The following UBR1 variants were observed in gnomAD, a reference collection of about 807,000 sequenced individuals.
UBR1 encodes E3 ubiquitin-protein ligase UBR1.
Under a neutral mutation model 242.1 loss-of-function variants are expected in UBR1, and 102 were observed. The observed-to-expected ratio is 0.42, with a 90% CI of 0.36 to 0.50. UBR1 has a LOEUF of 0.50. UBR1 is among the 20% of genes least tolerant of loss of function. The pLI is 0.01. For missense variants in UBR1, 1,772 were observed against 2,101.8 expected (o/e 0.84, Z 3.07); for synonymous variants, 675 against 684.8 (o/e 0.99, Z 0.22).
intron 23 of UBR1, 129 bp downstream of exon 23, chr15:43,026,432 C>T (rs961263863): frequency 5.7e-6 from 4 of 700,934 alleles, no homozygotes; most frequent in Non-Finnish European, 9.8e-6. Context: ...AATTTTAATT[C>T]TTGGGTGACA....
At chr15:42,991,100 C>G (rs779992704) in intron 33 of UBR1, among the ~76,000 whole-genome samples, 11 of 151,616 alleles carry the variant, frequency 7.3e-5, no homozygotes, top group African/African-American at 2.7e-4. Flanking sequence ...CATGGTGAAA[C>G]CTCATCTCTA....
At chr15:42,967,480 C>G (rs2032127290) in intron 40 of UBR1, among the ~76,000 whole-genome samples, 1 of 145,572 alleles carries the variant, frequency 6.9e-6, no homozygotes, top group Non-Finnish European at 1.5e-5. Context: ...TTATCAATAA[C>G]TAACCAAAGC....
chr15:43,089,787 G>A (rs938884422), intron 1 of UBR1, among the ~76,000 whole-genome samples: 3 of 152,080 alleles, frequency 2.0e-5, no homozygotes, highest in African/African-American at 4.8e-5. Context: ...TTCCAATCAT[G>A]AGAAAATATC....
rs1350797845 is a variant in UBR1, at chr15:43,086,230, T to C, written c.92A>G (p.Gln31Arg). Residue 31 changes from glutamine (Q) to arginine (R), a missense_variant, in exon 2 of 47, where the codon CAG (glutamine) becomes CGG (arginine). Gln to Arg is a conservative substitution (Grantham distance 43, BLOSUM62 1). Around this residue, in one of 3 missense-constraint regions of UBR1, gnomAD observed 734 missense variants for 893.3 expected, o/e 0.82. Transcript: ENST00000290650. ...GAAAGCAGTATAAAAATCAACTTGC[T>C]GATCCCACCACTAAAAGAAAAGAAG... ...TPQRLASWWD[Q>R]QVDFYTAFLH... The C allele has an allele frequency of 3.1e-6, 5 of 1,613,930 alleles. No homozygotes were observed. Among genetic ancestry groups the C allele is most frequent in the Non-Finnish European group, 4.2e-6 (5 of 1,180,002 alleles).
intron 14 of UBR1, 27 bp downstream of exon 14, chr15:43,047,134 C>T (rs1033436118): frequency 1.9e-5 from 30 of 1,613,614 alleles, no homozygotes; most frequent in Non-Finnish European, 2.4e-5. Flanking sequence ...TAAAAAGGCA[C>T]TGATCCTACT....
chr15:43,058,549 C>A (rs2033645224), intron 9 of UBR1, 120 bp from the exon 10 acceptor site: 3 of 659,664 alleles, frequency 4.5e-6, no homozygotes, highest in Non-Finnish European at 8.2e-6. Flanking sequence ...AAACAGACCT[C>A]AAATAGTATT....
At chr15:42,954,017 A>AT (rs2141250769) in intron 44 of UBR1, among the ~76,000 whole-genome samples, 2 of 151,466 alleles carry the variant, frequency 1.3e-5, no homozygotes, top group East Asian at 3.9e-4. Flanking sequence ...CGAGTAGCTG[A>AT]GACTACAGGC....
intron 43 of UBR1, among the ~76,000 whole-genome samples, chr15:42,959,830 T>C (rs1043297790): frequency 6.6e-6 from 1 of 152,068 alleles, no homozygotes; most frequent in African/African-American, 2.4e-5. Flanking sequence ...ACAGTGGAGG[T>C]GAAAGGAGTT....
intron 1 of UBR1, among the ~76,000 whole-genome samples, chr15:43,104,939 G>T (rs1285178990): frequency 6.6e-6 from 1 of 152,106 alleles, no homozygotes; most frequent in East Asian, 1.9e-4. Context: ...TCGGGAATTT[G>T]CAGTTCAATT....
chr15:42,952,580 A>G, intron 44 of UBR1, 132 bp from the exon 45 acceptor site: 1 of 1,000,492 alleles, frequency 1.0e-6, no homozygotes, highest in Non-Finnish European at 1.5e-6. Flanking sequence ...CTTAAAACAC[A>G]AGGAAACATT....
At position 43,037,776 on chromosome 15, in the gene UBR1, G is replaced by T. The variant is rs770849248; in HGVS notation, c.2019C>A (p.Ser673Arg). ...MWRRNGLSLI[S>R]QVFYYQDVKC... ...TGAATAATAGACTTTGCTGTACCTG[G>T]CTAATAAGAGACAGTCCATTTCTTC... The change falls in exon 17 of 47, where the codon AGC becomes AGA. Residue 673 changes from serine (S) to arginine (R), a missense_variant. This residue lies in a region of UBR1 where 734 missense variants were observed against 893.3 expected (regional missense o/e 0.82). Transcript: ENST00000290650. 1 of 1,613,656 alleles carries T rather than the reference G, an allele frequency of 6.2e-7. No homozygotes were observed. Among genetic ancestry groups the T allele is most frequent in the Admixed American group, 1.7e-5 (1 of 60,000 alleles).
chr15:43,094,812 C>T (rs2034140779), intron 1 of UBR1, among the ~76,000 whole-genome samples: 1 of 152,178 alleles, frequency 6.6e-6, no homozygotes, highest in Non-Finnish European at 1.5e-5. Flanking sequence ...TCTTCTATGC[C>T]TTTATGGCAT....
intron 27 of UBR1, among the ~76,000 whole-genome samples, chr15:43,020,649 C>T (rs1457635652): frequency 6.6e-6 from 1 of 152,210 alleles, no homozygotes; most frequent in East Asian, 1.9e-4. Flanking sequence ...TCACTTTATG[C>T]TGACTTATAA....
chr15:43,000,408 CT>C (rs1447698367), intron 32 of UBR1, among the ~76,000 whole-genome samples: 1 of 152,200 alleles, frequency 6.6e-6, no homozygotes, highest in Admixed American at 6.5e-5. Flanking sequence ...GCTAAATATT[CT>C]GTTAGAGAAC....
rs1319702055 is a variant in UBR1, at chr15:43,037,824, G to T, written c.1971C>A (p.Ala657=). ...TTCGCCACATCTCAGCAACAACCTGGGCAACCAACACCAGACAACGTAAAG... is the reference window on the plus strand; with the variant it reads ...TTCGCCACATCTCAGCAACAACCTGTGCAACCAACACCAGACAACGTAAAG... ...EYPLRCLVLV[A]QVVAEMWRRN... is the part of the protein sequence containing the mutation. Residue 657 remains alanine, a synonymous_variant, in exon 17 of 47, where the codon GCC becomes GCA. Transcript: ENST00000290650. The T allele has an allele frequency of 5.6e-6, 9 of 1,613,874 alleles. No individual in the cohort carries two copies. In the African/African-American group the frequency reaches 1.1e-4, roughly 19 times the overall value.
Position 43,056,385 on chromosome 15 carries a change from T to A in UBR1, c.1240A>T (p.Ile414Leu). The A allele has an allele frequency of 6.2e-7, 1 of 1,612,780 alleles. No homozygotes were observed. ...AACATCTGAACTGAAAGTGCAGTTA[T>A]AGAGATACTTCTGTCATGATCATCA... is the stretch of plus-strand genomic sequence containing the variant. ...ISDDHDRSIS[I>L]TALSVQMFTV... The change falls in exon 11 of 47, where the codon ATA (isoleucine) becomes TTA (leucine). Residue 414 changes from isoleucine to leucine, a missense_variant. Coordinates refer to ENST00000290650, the MANE Select transcript of UBR1 (RefSeq NM_174916.3).
chr15:43,025,713 G>A (rs921086737), intron 23 of UBR1: 1 of 329,606 alleles, frequency 3.0e-6, no homozygotes, highest in Middle Eastern at 9.4e-4. Flanking sequence ...GGGCTGTAAA[G>A]TATTTACTTG....
rs2033620040 is a variant in UBR1, at chr15:43,056,393, C to T, written c.1232G>A (p.Ser411Asn). 5 of 1,612,520 alleles carry T rather than the reference C, an allele frequency of 3.1e-6. No individual in the cohort carries two copies. Among genetic ancestry groups the T allele is most frequent in the African/African-American group, 1.3e-5 (1 of 74,862 alleles). Residue 411 changes from serine (S) to asparagine (N), a missense_variant, in exon 11 of 47, where the codon AGT (serine) becomes AAT (asparagine). Ser to Asn is a conservative substitution (Grantham distance 46, BLOSUM62 1). Coordinates refer to ENST00000290650, the MANE Select transcript of UBR1 (RefSeq NM_174916.3). ...KEYISDDHDR[S>N]ISITALSVQM... Reference sequence around the variant, plus strand: ...AACTGAAAGTGCAGTTATAGAGATACTTCTGTCATGATCATCACTGATATA... The same window carrying T: ...AACTGAAAGTGCAGTTATAGAGATATTTCTGTCATGATCATCACTGATATA...
intron 40 of UBR1, among the ~76,000 whole-genome samples, chr15:42,967,515 A>G (rs1178694112): frequency 6.6e-6 from 1 of 151,982 alleles, no homozygotes; most frequent in African/African-American, 2.4e-5. Flanking sequence ...AACAAAATTA[A>G]TAATTTCCTG....
Sources: gnomAD v4.1 joint callset for allele counts (sites outside exome capture counted in the v4.1 genomes callset) on GRCh38, gnomAD v4.1.1 for gene constraint, gnomAD v4.1.1 regional missense constraint, MANE v1.5 for transcripts, NCBI Gene and HGNC (gene_info 2026-07-23, HGNC 2026-07-21) for gene names.